Variants in TDRD6 observed in about 807,000 individuals in gnomAD.
The protein encoded by TDRD6 is tudor domain-containing protein 6.
A neutral mutation model predicts 157.5 loss-of-function variants in TDRD6; 186 were observed. The ratio of observed to expected loss-of-function variants is 1.18; its 90% confidence interval spans 1.05 to 1.33. TDRD6 has a LOEUF of 1.33. Ranked by LOEUF, TDRD6 falls within the 40% of genes most tolerant of loss-of-function variation. The pLI, the probability that TDRD6 is intolerant of heterozygous loss-of-function variation, is 0.00. For missense variants in TDRD6, 3,066 were observed against 2,508.0 expected (o/e 1.22, Z -4.75); for synonymous variants, 1,075 against 945.2 (o/e 1.14, Z -2.52).
Position 46,698,022 on chromosome 6 carries a change from G to A in TDRD6, c.6196G>A (p.Glu2066Lys). ...TRVLNLSNGM[E>K]EIVNPENVWN... ...GGTTTTGAACCTTTCAAATGGTATG[G>A]AGGAGATAGTGAACCCTGAGAATGT... The change falls in exon 3 of 4, where the codon GAG (glutamate) becomes AAG (lysine). Residue 2066 changes from glutamate to lysine, a missense_variant. Transcript: ENST00000316081. 1 of 1,610,342 alleles carries A rather than the reference G, an allele frequency of 6.2e-7. No homozygotes were observed. The highest frequency in any genetic ancestry group is 8.5e-7 in the Non-Finnish European group (1 of 1,177,622).
the TDRD6 span, among the ~76,000 whole-genome samples, chr6:46,680,398 G>A: frequency 6.6e-6 from 1 of 151,884 alleles, no homozygotes; most frequent in Non-Finnish European, 1.5e-5. Flanking sequence ...CCTAAAGGGA[G>A]CCATATTGAT....
Position 46,697,962 on chromosome 6 carries a change from A to G in TDRD6, c.6172-36A>G, listed in dbSNP as rs774339513. 3 of 1,292,298 alleles carry G rather than the reference A, an allele frequency of 2.3e-6. No homozygotes were observed. The East Asian group carries it at 7.0e-5, about 30-fold the overall frequency. 80.1% of individuals were successfully genotyped at this position (1,292,298 alleles called of 1,614,324 possible). A position where few individuals can be genotyped will look rare whatever the true frequency, so the allele number is the denominator to read the frequency against. On this transcript the variant is annotated intron_variant, in intron 2 of 3. Transcript: ENST00000316081. ...GTACATAAATCAGTTATTTTTTTGAATTGGACACTTTAAAAAAATTTGTTT... is the reference window on the plus strand; with the variant it reads ...GTACATAAATCAGTTATTTTTTTGAGTTGGACACTTTAAAAAAATTTGTTT...
In TDRD6 at chr6:46,692,853, A is replaced by G; in HGVS notation, c.4725A>G (p.Ile1575Met). The G allele has an allele frequency of 1.9e-6, 3 of 1,613,956 alleles. No homozygotes were observed. Among genetic ancestry groups the G allele is most frequent in the Non-Finnish European group, 2.5e-6 (3 of 1,179,864 alleles). ...IPCPYIGDPC[I>M]VRYREDGHYY... ...GTCCTTATATTGGAGATCCTTGTAT[A>G]GTAAGATACAGAGAAGATGGACATT... Residue 1575 changes from isoleucine to methionine, a missense_variant, in exon 1 of 4, where the codon ATA (isoleucine) becomes ATG (methionine). Transcript: ENST00000316081.
rs753803000 is a variant in TDRD6, at chr6:46,689,719, G to C, written c.1591G>C (p.Asp531His). The C allele has an allele frequency of 1.2e-6, 2 of 1,614,202 alleles. No individual in the cohort carries two copies. Among genetic ancestry groups the C allele is most frequent in the Admixed American group, 1.7e-5 (1 of 60,030 alleles). ...TTTCTATTCCTCTGCCAGTAAGCTG[G>C]ATGGTGTAGTTTTGAAACCTGAACC... is the stretch of plus-strand genomic sequence containing the variant. Reference protein sequence around the residue: ...CGFYSSASKLDGVVLKPEPDD... With the variant: ...CGFYSSASKLHGVVLKPEPDD... The change falls in exon 1 of 4, where the codon GAT (aspartate) becomes CAT (histidine). Residue 531 changes from aspartate to histidine, a missense_variant. Physicochemically the swap from Asp to His is moderately conservative, Grantham distance 81. Transcript: ENST00000316081.
In TDRD6 at chr6:46,691,273, T is replaced by C; in HGVS notation, c.3145T>C (p.Trp1049Arg). ...LCLAKYTDGN[W>R]YRGIVIEKEP... is the part of the protein sequence containing the mutation. ...CCTTGCCAAGTATACTGATGGAAAC[T>C]GGTATAGGGGCATAGTAATAGAGAA... The change falls in exon 1 of 4, where the codon TGG becomes CGG. Residue 1049 changes from tryptophan to arginine, a missense_variant. By Grantham distance (101) the Trp-to-Arg change is moderately radical. Transcript: ENST00000316081. 2 of 1,614,106 alleles carry C rather than the reference T, an allele frequency of 1.2e-6. No homozygotes were observed. The highest frequency in any genetic ancestry group is 1.7e-6 in the Non-Finnish European group (2 of 1,179,966).
In TDRD6 at chr6:46,692,583, A is replaced by G. The variant is rs771921436; in HGVS notation, c.4455A>G (p.Val1485=). 2 of 1,613,700 alleles carry G rather than the reference A, an allele frequency of 1.2e-6. No individual in the cohort carries two copies. The change falls in exon 1 of 4, where the codon GTA becomes GTG. Residue 1485 remains valine (V), a synonymous_variant. Transcript: ENST00000316081. ...SRYALSEKSQ[V]ELSTQVIKSA... Reference sequence around the variant, plus strand: ...ATGCTCTCAGTGAAAAATCTCAAGTAGAACTTTCTACCCAAGTAATTAAAA... The same window carrying G: ...ATGCTCTCAGTGAAAAATCTCAAGTGGAACTTTCTACCCAAGTAATTAAAA...
rs1434030407 is a variant in TDRD6, at chr6:46,693,061, T to C, written c.4933T>C (p.Leu1645=). The C allele has an allele frequency of 1.2e-6, 2 of 1,613,944 alleles. No individual in the cohort carries two copies. Among genetic ancestry groups the C allele is most frequent in the East Asian group, 4.5e-5 (2 of 44,874 alleles). Residue 1645 remains leucine, a synonymous_variant, in exon 1 of 4, where the codon TTA becomes CTA. Coordinates refer to ENST00000316081, the MANE Select transcript of TDRD6 (RefSeq NM_001010870.3). ...CTCAGGGTTTAACATTTCAGAAGGA[T>C]TATGTTCTCAAGAGGGAAATGACTA... ...CLSGFNISEG[L]CSQEGNDYFY...
At position 46,691,067 on chromosome 6, in the gene TDRD6, A is replaced by G. The variant is rs780742720; in HGVS notation, c.2939A>G (p.His980Arg). 4.8e-5 allele frequency: 77 copies of G among 1,613,708 alleles called. No homozygotes were observed. Among genetic ancestry groups the G allele is most frequent in the Non-Finnish European group, 6.4e-5 (75 of 1,179,860 alleles). Reference protein sequence around the residue: ...VQLHSYFYSTHDMKIGSEELV... With the variant: ...VQLHSYFYSTRDMKIGSEELV... ...CTACATTCCTACTTCTATTCTACAC[A>G]TGATATGAAAATTGGAAGTGAAGAA... Residue 980 changes from histidine to arginine, a missense_variant, in exon 1 of 4, where the codon CAT becomes CGT. Coordinates refer to ENST00000316081, the MANE Select transcript of TDRD6 (RefSeq NM_001010870.3).
At chr6:46,686,732 T>C (rs924092446), upstream of TDRD6, among the ~76,000 whole-genome samples, 4 of 152,346 alleles carry the variant, frequency 2.6e-5, no homozygotes, top group Admixed American at 2.6e-4. Flanking sequence ...CAAATATTCA[T>C]TGCCTTCACT....
Position 46,690,340 on chromosome 6 carries a change from G to A in TDRD6, c.2212G>A (p.Val738Met). 1 of 1,613,386 alleles carries A rather than the reference G, an allele frequency of 6.2e-7. No homozygotes were observed. ...VVTNGSTELV[V>M]QEKVKRASVY... The stretch of plus-strand genomic sequence containing the variant: ...AACAAATGGTTCAACTGAACTAGTT[G>A]TGCAGGAAAAAGTGAAAAGAGCATC... Residue 738 changes from valine (V) to methionine (M), a missense_variant, in exon 1 of 4, where the codon GTG becomes ATG. Physicochemically the swap from Val to Met is conservative, Grantham distance 21. Transcript: ENST00000316081.
chr6:46,692,690 T>G lies in TDRD6; in HGVS notation c.4562T>G (p.Ile1521Arg). 2 of 1,613,916 alleles carry G rather than the reference T, an allele frequency of 1.2e-6. No individual in the cohort carries two copies. The highest frequency in any genetic ancestry group is 1.7e-6 in the Non-Finnish European group (2 of 1,179,966). The change falls in exon 1 of 4, where the codon ATA (isoleucine) becomes AGA (arginine). Residue 1521 changes from isoleucine (I) to arginine (R), a missense_variant. Coordinates refer to ENST00000316081, the MANE Select transcript of TDRD6 (RefSeq NM_001010870.3). ...LNWYNPEKKM[I>R]RAYATVIDGP... ...TGGTATAATCCAGAAAAAAAAATGA[T>G]AAGAGCTTATGCCACTGTGATAGAT...
upstream of TDRD6, among the ~76,000 whole-genome samples, chr6:46,684,858 A>G (rs931806462): frequency 6.6e-6 from 1 of 152,088 alleles, no homozygotes; most frequent in Non-Finnish European, 1.5e-5. Context: ...TTTCAGTCAT[A>G]TGGCAAGTAC....
In TDRD6 at chr6:46,691,384, TATG is replaced by T; in HGVS notation, c.3260_3262del (p.Asp1087del). The T allele has an allele frequency of 6.2e-7, 1 of 1,614,036 alleles. No individual in the cohort carries two copies. Among genetic ancestry groups the T allele is most frequent in the Non-Finnish European group, 8.5e-7 (1 of 1,179,930 alleles). ...TCTGCTTCCAATACCTAGTGATGCA[TATG>T]ATGTCTTACTTTTGCCCATGCAAGC... On this transcript the variant is annotated inframe_deletion, in exon 1 of 4. Transcript: ENST00000316081.
intron 3 of TDRD6, among the ~76,000 whole-genome samples, chr6:46,698,717 T>C (rs1194703498): frequency 6.6e-6 from 1 of 152,226 alleles, no homozygotes; most frequent in Non-Finnish European, 1.5e-5. Flanking sequence ...GATTTTCTTT[T>C]CCCTAGAGAA....
At chr6:46,696,462 A>G (rs1226537461) in intron 2 of TDRD6, among the ~76,000 whole-genome samples, 2 of 74,078 alleles carry the variant, frequency 2.7e-5, no homozygotes, top group East Asian at 9.3e-4. Context: ...ATATATATAT[A>G]TGTATATGTG....
At position 46,701,845 on chromosome 6, in the gene TDRD6, C is replaced by T. The variant is rs377482146; in HGVS notation, c.6262-13C>T. 17 of 1,612,278 alleles carry T rather than the reference C, an allele frequency of 1.1e-5. No individual in the cohort carries two copies. In the East Asian group the frequency reaches 2.9e-4, roughly 27 times the overall value. ...TTCTTTCTCAGTTTGAAGTTTTTCT[C>T]TTTTTGTTTCAGAAAAGGGGTTTGG... On this transcript the variant is annotated splice_polypyrimidine_tract_variant and intron_variant, in intron 3 of 3. Coordinates refer to ENST00000316081, the MANE Select transcript of TDRD6 (RefSeq NM_001010870.3).
rs778897921 is a variant in TDRD6, at chr6:46,689,733, G to C, written c.1605G>C (p.Leu535Phe). Reference sequence around the variant, plus strand: ...CCAGTAAGCTGGATGGTGTAGTTTTGAAACCTGAACCTGATGACCTTTGCT... The same window carrying C: ...CCAGTAAGCTGGATGGTGTAGTTTTCAAACCTGAACCTGATGACCTTTGCT... ...SSASKLDGVV[L>F]KPEPDDLCCV... Residue 535 changes from leucine (L) to phenylalanine (F), a missense_variant, in exon 1 of 4, where the codon TTG becomes TTC. Leu to Phe is a conservative substitution (Grantham distance 22). Coordinates refer to ENST00000316081, the MANE Select transcript of TDRD6 (RefSeq NM_001010870.3). 3.1e-6 allele frequency: 5 copies of C among 1,614,190 alleles called. No homozygotes were observed. The Admixed American group carries it at 5.0e-5, about 16-fold the overall frequency.
At chr6:46,685,700 G>A (rs1764073889), upstream of TDRD6, among the ~76,000 whole-genome samples, 1 of 151,874 alleles carries the variant, frequency 6.6e-6, no homozygotes. Flanking sequence ...AACCACCATG[G>A]CATGTGTATA....
rs1469370266 is a variant in TDRD6 at position 46,688,784 on chromosome 6, G to A, written c.656G>A (p.Ser219Asn). 1 of 1,609,492 alleles carries A rather than the reference G, an allele frequency of 6.2e-7. No individual in the cohort carries two copies. The highest frequency in any genetic ancestry group is 8.5e-7 in the Non-Finnish European group (1 of 1,179,928). ...LERYLTAATA[S>N]VGSGVPVLSR... The stretch of plus-strand genomic sequence containing the variant: ...CGCTATCTCACAGCGGCCACTGCTA[G>A]CGTGGGCTCCGGGGTCCCGGTTCTC... The change falls in exon 1 of 4, where the codon AGC becomes AAC. Residue 219 changes from serine (S) to asparagine (N), a missense_variant. By Grantham distance (46) the Ser-to-Asn change is conservative. Coordinates refer to ENST00000316081, the MANE Select transcript of TDRD6 (RefSeq NM_001010870.3).
Sources: gnomAD v4.1 joint callset for allele counts (sites outside exome capture counted in the v4.1 genomes callset) on GRCh38, gnomAD v4.1.1 for gene constraint, MANE v1.5 for transcripts, NCBI Gene and HGNC (gene_info 2026-07-23, HGNC 2026-07-21) for gene names.